FOXN3: variants seen among roughly 807,000 people sequenced by gnomAD.
The protein encoded by FOXN3 is forkhead box N3.
A neutral mutation model predicts 38.4 loss-of-function variants in FOXN3; 7 were observed. The observed-to-expected ratio is 0.18, with a 90% CI of 0.10 to 0.34. The LOEUF (loss-of-function observed/expected upper bound fraction) is 0.34, where lower values mean the gene tolerates loss of function less well. Among genes scored for constraint, FOXN3 ranks in the 10% least tolerant of loss-of-function variants. The pLI, the probability that FOXN3 is intolerant of heterozygous loss-of-function variation, is 1.00. For synonymous variants in FOXN3, 230 were observed against 242.2 expected, an observed-to-expected ratio of 0.95 and a Z score of 0.47; for missense variants, 456 against 613.4, an observed-to-expected ratio of 0.74 and a Z score of 2.71.
chr14:89,496,813 G>A (rs1020494460), intron 1 of FOXN3, among the ~76,000 whole-genome samples: 1 of 152,082 alleles, frequency 6.6e-6, no homozygotes, highest in African/African-American at 2.4e-5. Context: ...GCCCTTGGTA[G>A]CCTTCATTCT....
At chr14:89,335,200 T>C (rs573378627) in intron 3 of FOXN3, among the ~76,000 whole-genome samples, 1 of 152,262 alleles carries the variant, frequency 6.6e-6, no homozygotes, top group East Asian at 1.9e-4. Context: ...AACATCACAC[T>C]GTACGCCTTA....
chr14:89,333,749 TAAAA>T (rs57491119), intron 3 of FOXN3, among the ~76,000 whole-genome samples: 8 of 57,266 alleles, frequency 1.4e-4, no homozygotes, highest in African/African-American at 4.4e-4. Flanking sequence ...GAGAGACTAT[TAAAA>T]AAAAAAAAAA....
intron 1 of FOXN3, among the ~76,000 whole-genome samples, chr14:89,530,840 C>T (rs534712492): frequency 3.9e-4 from 58 of 150,366 alleles, no homozygotes; most frequent in Admixed American, 3.3e-3. Flanking sequence ...AAACTCCTGA[C>T]GTAAAGTGAT....
intron 3 of FOXN3, among the ~76,000 whole-genome samples, chr14:89,341,812 G>T (rs1220121166): frequency 1.3e-5 from 2 of 152,112 alleles, no homozygotes; most frequent in Non-Finnish European, 1.5e-5. Flanking sequence ...CTCTGGGAAG[G>T]CGAGGGGTTT....
chr14:89,234,136 C>G (rs1884907885), intron 4 of FOXN3, among the ~76,000 whole-genome samples: 1 of 152,206 alleles, frequency 6.6e-6, no homozygotes, highest in Non-Finnish European at 1.5e-5. Flanking sequence ...CTCTGAAAGA[C>G]TAAGGAGAAC....
intron 1 of FOXN3, among the ~76,000 whole-genome samples, chr14:89,575,532 G>A (rs911428137): frequency 1.3e-5 from 2 of 152,148 alleles, no homozygotes; most frequent in Admixed American, 1.3e-4. Context: ...AACCCAGTCT[G>A]CAACTCATTG....
intron 2 of FOXN3, among the ~76,000 whole-genome samples, chr14:89,372,818 CTA>C (rs1890361902): frequency 6.6e-6 from 1 of 151,998 alleles, no homozygotes; most frequent in South Asian, 2.1e-4. Flanking sequence ...GCTGAGGGAA[CTA>C]TTCAAATCCA....
chr14:89,360,621 G>A lies in FOXN3; in HGVS notation c.544-9813C>T, dbSNP rs1361043730. 9.2e-5 allele frequency among the ~76,000 whole-genome samples: 14 copies of A among 151,434 alleles called. No individual in the cohort carries two copies. In the East Asian group the frequency reaches 2.7e-3, roughly 29 times the overall value. On this transcript the variant is annotated intron_variant, in intron 2 of 5. Coordinates refer to ENST00000557258, the MANE Select transcript of FOXN3 (RefSeq NM_005197.4). ...GGGAGGGAAGGAGGGAAGGAGGGAAGGAAGGAAGGCTGGGGCAAGAGCTGA... is the reference window on the plus strand; with the variant it reads ...GGGAGGGAAGGAGGGAAGGAGGGAAAGAAGGAAGGCTGGGGCAAGAGCTGA...
chr14:89,474,568 T>C (rs904033232), intron 1 of FOXN3, among the ~76,000 whole-genome samples: 2 of 152,214 alleles, frequency 1.3e-5, no homozygotes, highest in African/African-American at 4.8e-5. Flanking sequence ...ATAATAAGAA[T>C]CGTCAGGACA....
At chr14:89,395,308 A>G (rs2140081953) in intron 2 of FOXN3, among the ~76,000 whole-genome samples, 1 of 152,314 alleles carries the variant, frequency 6.6e-6, no homozygotes, top group African/African-American at 2.4e-5. Flanking sequence ...GAATGAACAC[A>G]GTGGGCCCAC....
At chr14:89,218,589 T>G (rs1884359102) in intron 4 of FOXN3, among the ~76,000 whole-genome samples, 1 of 152,268 alleles carries the variant, frequency 6.6e-6, no homozygotes, top group Admixed American at 6.5e-5. Context: ...TGTCTTCTAT[T>G]CAAGAGGGAT....
chr14:89,390,957 T>C (rs1031733762), intron 2 of FOXN3, among the ~76,000 whole-genome samples: 2 of 152,112 alleles, frequency 1.3e-5, no homozygotes, highest in Non-Finnish European at 2.9e-5. Flanking sequence ...GAAGACAGGG[T>C]AGGCAGACAG....
At chr14:89,393,986 G>A (rs1314402606) in intron 2 of FOXN3, among the ~76,000 whole-genome samples, 1 of 152,140 alleles carries the variant, frequency 6.6e-6, no homozygotes, top group Admixed American at 6.6e-5. Context: ...AAGATGGAAG[G>A]GTTGGCATCT....
chr14:89,425,947 A>AAT (rs997609395), intron 1 of FOXN3, among the ~76,000 whole-genome samples: 6 of 152,310 alleles, frequency 3.9e-5, no homozygotes, highest in Admixed American at 3.9e-4. Context: ...ACGCTTATCT[A>AAT]ATACACATTT....
chr14:89,295,010 G>A (rs1428347745), intron 3 of FOXN3, among the ~76,000 whole-genome samples: 2 of 152,134 alleles, frequency 1.3e-5, no homozygotes, highest in Non-Finnish European at 2.9e-5. Context: ...TTACAGGGCA[G>A]GGTGAGAGCC....
intron 1 of FOXN3, among the ~76,000 whole-genome samples, chr14:89,486,134 A>G (rs1893439531): frequency 6.6e-6 from 1 of 152,032 alleles, no homozygotes; most frequent in Non-Finnish European, 1.5e-5. Flanking sequence ...TTTCATCCCC[A>G]CCTGTCCCAA....
intron 4 of FOXN3, among the ~76,000 whole-genome samples, chr14:89,186,439 T>C (rs191009019): frequency 4.1e-4 from 62 of 152,136 alleles, no homozygotes; most frequent in Non-Finnish European, 7.1e-4. Flanking sequence ...AGTCCTCCAT[T>C]GGGGTTAAAG....
intron 3 of FOXN3, among the ~76,000 whole-genome samples, chr14:89,343,157 C>A (rs565420732): frequency 6.6e-6 from 1 of 152,144 alleles, no homozygotes; most frequent in Non-Finnish European, 1.5e-5. Context: ...ATTATTGGAT[C>A]CTATCCAAGC....
intron 3 of FOXN3, among the ~76,000 whole-genome samples, chr14:89,283,951 G>C (rs1978328): frequency 0.87 from 132,265 of 152,160 alleles, 57,967 homozygotes; most frequent in East Asian, 0.98. Flanking sequence ...ACCTCCACCT[G>C]CCAGGTTCAA....
Sources: gnomAD v4.1 joint callset for allele counts (sites outside exome capture counted in the v4.1 genomes callset) on GRCh38, gnomAD v4.1.1 for gene constraint, MANE v1.5 for transcripts, NCBI Gene and HGNC (gene_info 2026-07-23, HGNC 2026-07-21) for gene names.